Variants in MAP2 observed in about 807,000 individuals in gnomAD.
MAP2 encodes the protein microtubule-associated protein 2.
MAP2 carries 14 observed loss-of-function variants against 137.6 expected under a neutral mutation model. The observed-to-expected ratio is 0.10, with a 90% CI of 0.07 to 0.16. MAP2 has a LOEUF of 0.16. Among genes scored for constraint, MAP2 ranks in the 10% least tolerant of loss-of-function variants. MAP2 has a pLI of 1.00. For missense variants in MAP2, 2,088 were observed against 2,191.5 expected, an observed-to-expected ratio of 0.95 and a Z score of 0.94; for synonymous variants, 786 against 782.3, an observed-to-expected ratio of 1.00 and a Z score of -0.08.
chr2:209,464,999 A>T (rs2149638688), intron 1 of MAP2, among the ~76,000 whole-genome samples: 1 of 152,254 alleles, frequency 6.6e-6, no homozygotes, highest in South Asian at 2.1e-4. Flanking sequence ...TAATATCATA[A>T]GCTTTCTTCT....
rs757869881 is a variant in MAP2 at position 209,695,681 on chromosome 2, G to T, written c.3511G>T (p.Val1171Leu). The change falls in exon 8 of 16, where the codon GTG (valine) becomes TTG (leucine). Residue 1171 changes from valine (V) to leucine (L), a missense_variant. Coordinates refer to ENST00000682079, the MANE Select transcript of MAP2 (RefSeq NM_001375505.1). ...IQDEIAVKLS[V>L]EIPCPPAVSE... is the part of the protein sequence containing the mutation. ...AGATGAGATTGCCGTCAAATTGTCA[G>T]TGGAAATACCTTGCCCACCTGCTGT... 1 of 1,614,142 alleles carries T rather than the reference G, an allele frequency of 6.2e-7. No homozygotes were observed. The highest frequency in any genetic ancestry group is 1.1e-5 in the South Asian group (1 of 91,076).
In MAP2 at chr2:209,517,024, A is replaced by G. The variant is rs1333359398; in HGVS notation, c.-172+9383A>G. On this transcript the variant is annotated intron_variant, in intron 2 of 15. Coordinates refer to ENST00000682079, the MANE Select transcript of MAP2 (RefSeq NM_001375505.1). The stretch of plus-strand genomic sequence containing the variant: ...AAATTACATAATCTTCCATGTTAAT[A>G]ATTACTAATGTCACCTTAAAATATT... 2.6e-5 allele frequency among the ~76,000 whole-genome samples: 4 copies of G among 152,118 alleles called. No homozygotes were observed. In the South Asian group the frequency reaches 6.2e-4, roughly 24 times the overall value.
intron 1 of MAP2, among the ~76,000 whole-genome samples, chr2:209,442,866 A>G (rs1442152796): frequency 1.3e-5 from 2 of 151,600 alleles, no homozygotes; most frequent in African/African-American, 4.8e-5. Flanking sequence ...TCCTAAATAT[A>G]TATTTCTTTC....
At chr2:209,631,005 C>CAATAAAAAA (rs2092957163) in intron 4 of MAP2, among the ~76,000 whole-genome samples, 1 of 42,118 alleles carries the variant, frequency 2.4e-5, no homozygotes, top group Non-Finnish European at 4.5e-5. Flanking sequence ...GAGCTACAAG[C>CAATAAAAAA]AAAAAAAAAA....
chr2:209,576,047 A>C (rs1316625176), intron 2 of MAP2, among the ~76,000 whole-genome samples: 2 of 152,124 alleles, frequency 1.3e-5, no homozygotes, highest in Non-Finnish European at 2.9e-5. Flanking sequence ...TACGCAGACC[A>C]ATATATTTAG....
At chr2:209,445,567 C>G (rs1698857930) in intron 1 of MAP2, among the ~76,000 whole-genome samples, 1 of 151,482 alleles carries the variant, frequency 6.6e-6, no homozygotes, top group Admixed American at 6.6e-5. Flanking sequence ...AAAAATCACT[C>G]AGAACACAAG....
At chr2:209,444,262 G>C (rs1698512526) in intron 1 of MAP2, among the ~76,000 whole-genome samples, 2 of 151,466 alleles carry the variant, frequency 1.3e-5, no homozygotes, top group Non-Finnish European at 3.0e-5. Flanking sequence ...ACTAAAATTT[G>C]AAATGTATGT....
chr2:209,475,883 A>G (rs568754547), intron 1 of MAP2, among the ~76,000 whole-genome samples: 3 of 152,266 alleles, frequency 2.0e-5, no homozygotes, highest in African/African-American at 4.8e-5. Flanking sequence ...CTCTAGAAAA[A>G]CTGTAAATTT....
At chr2:209,471,624 T>G (rs1559204736) in intron 1 of MAP2, among the ~76,000 whole-genome samples, 1 of 152,030 alleles carries the variant, frequency 6.6e-6, no homozygotes, top group Non-Finnish European at 1.5e-5. Context: ...AAATGATTTT[T>G]CTCATGTTCC....
At chr2:209,571,112 T>C (rs1008422435) in intron 2 of MAP2, among the ~76,000 whole-genome samples, 16 of 151,984 alleles carry the variant, frequency 1.1e-4, no homozygotes, top group Admixed American at 9.2e-4. Context: ...CATATAGTCT[T>C]TATTTACACA....
At chr2:209,609,059 C>A (rs1183998546) in intron 3 of MAP2, among the ~76,000 whole-genome samples, 2 of 151,916 alleles carry the variant, frequency 1.3e-5, no homozygotes, top group Non-Finnish European at 2.9e-5. Flanking sequence ...ATTACCATCC[C>A]AGATTTGATT....
chr2:209,434,837 A>ATATATATGT lies in MAP2; in HGVS notation c.-222+10568_-222+10569insGTTATATAT, dbSNP rs1695304298. ...ATCCTCTCTCTCTCTCTCTCTCTATATATATATATATGTTATATATATATG... is the reference window on the plus strand; with the variant it reads ...ATCCTCTCTCTCTCTCTCTCTCTATATATATATGTTATATATATATGTTATATATATATG... On this transcript the variant is annotated intron_variant, in intron 1 of 15. Coordinates refer to ENST00000682079, the MANE Select transcript of MAP2 (RefSeq NM_001375505.1). 2.3e-4 allele frequency among the ~76,000 whole-genome samples: 24 copies of ATATATATGT among 102,610 alleles called. 1 individual carries two copies. Among genetic ancestry groups the ATATATATGT allele is most frequent in the African/African-American group, 6.6e-4 (12 of 18,296 alleles). The allele number at this position is 102,610 out of a possible 152,430, so 67.3% of individuals were successfully genotyped here.
At chr2:209,512,995 T>C (rs931782423) in intron 2 of MAP2, among the ~76,000 whole-genome samples, 5 of 152,126 alleles carry the variant, frequency 3.3e-5, no homozygotes, top group Non-Finnish European at 7.4e-5. Context: ...GAAAGTAATT[T>C]CTCTATGCTC....
chr2:209,607,359 C>A (rs1371915082), intron 3 of MAP2, among the ~76,000 whole-genome samples: 1 of 152,182 alleles, frequency 6.6e-6, no homozygotes, highest in African/African-American at 2.4e-5. Flanking sequence ...GTCAGTTCAT[C>A]CCAAACAGAT....
At chr2:209,613,620 G>C (rs2087853823) in intron 3 of MAP2, among the ~76,000 whole-genome samples, 1 of 152,098 alleles carries the variant, frequency 6.6e-6, no homozygotes, top group African/African-American at 2.4e-5. Flanking sequence ...CTCTACACTT[G>C]GTGTCTTGGA....
intron 1 of MAP2, among the ~76,000 whole-genome samples, chr2:209,490,884 C>T (rs757045135): frequency 8.6e-5 from 13 of 151,822 alleles, no homozygotes; most frequent in South Asian, 2.1e-4. Context: ...CAAATAAGAC[C>T]GATCAAGGAG....
intron 3 of MAP2, among the ~76,000 whole-genome samples, chr2:209,600,816 C>G (rs2082769512): frequency 6.6e-6 from 1 of 152,158 alleles, no homozygotes; most frequent in Non-Finnish European, 1.5e-5. Flanking sequence ...TCAAATGCTT[C>G]CCTTCTTCTT....
intron 3 of MAP2, among the ~76,000 whole-genome samples, chr2:209,605,768 T>C (rs550406141): frequency 8.5e-5 from 13 of 152,340 alleles, no homozygotes; most frequent in African/African-American, 3.1e-4. Context: ...TTTCCCTTTT[T>C]CACTGGTAAC....
chr2:209,447,965 A>G (rs1487316382), intron 1 of MAP2, among the ~76,000 whole-genome samples: 1 of 152,118 alleles, frequency 6.6e-6, no homozygotes, highest in African/African-American at 2.4e-5. Context: ...TATCGGCCTC[A>G]CTTGAAAACG....
Sources: allele counts gnomAD v4.1 joint callset (sites outside exome capture counted in the v4.1 genomes callset), GRCh38; gene constraint gnomAD v4.1.1; transcripts MANE v1.5; gene names NCBI Gene and HGNC (gene_info 2026-07-23, HGNC 2026-07-21).